The following ATR variants were observed in gnomAD, a reference collection of about 807,000 sequenced individuals.
ATR encodes the protein ATR checkpoint kinase, also known as serine/threonine-protein kinase ATR.
In ATR, 142 loss-of-function variants were observed where a neutral mutation model predicts 305.3. That is an observed-to-expected ratio of 0.47 (90% CI 0.41 to 0.53). ATR has a LOEUF of 0.53. Ranked by LOEUF, ATR falls within the 20% of genes least tolerant of loss-of-function variation. The pLI is 0.00. For synonymous variants in ATR, 1,050 were observed against 1,068.1 expected (o/e 0.98, Z 0.33); for missense variants, 2,135 against 3,133.1 (o/e 0.68, Z 7.60).
rs769972178 is a variant in ATR at position 142,496,495 on chromosome 3, C to T, written c.5764G>A (p.Glu1922Lys). 15 of 1,611,028 alleles carry T rather than the reference C, an allele frequency of 9.3e-6. No homozygotes were observed. The African/African-American group carries it at 1.9e-4, about 20-fold the overall frequency. ...KRPDYNEMVG[E>K]CWLQSARVAR... The stretch of plus-strand genomic sequence containing the variant: ...ACCCTGGCACTCTGCAGCCAGCATT[C>T]TCCAACCATTTCATTGTAATCTGGT... Residue 1922 changes from glutamate (E) to lysine (K), a missense_variant, in exon 34 of 47, where the codon GAA becomes AAA. By Grantham distance (56) the Glu-to-Lys change is moderately conservative (BLOSUM62 1). Around this residue, in one of 9 missense-constraint regions of ATR, gnomAD observed 462 missense variants for 887.6 expected, o/e 0.52. Transcript: ENST00000350721.
intron 2 of ATR, among the ~76,000 whole-genome samples, chr3:142,567,858 G>A (rs1026695588): frequency 1.3e-5 from 2 of 151,960 alleles, no homozygotes; most frequent in Non-Finnish European, 1.5e-5. Flanking sequence ...ATAACAAACA[G>A]GAAAAGAGAA....
At chr3:142,566,806 T>C (rs1311183583) in intron 2 of ATR, among the ~76,000 whole-genome samples, 2 of 151,822 alleles carry the variant, frequency 1.3e-5, no homozygotes, top group Non-Finnish European at 2.9e-5. Context: ...TGTAGTGGTG[T>C]GATCTTGGCT....
At position 142,466,471 on chromosome 3, in the gene ATR, T is replaced by C; in HGVS notation, c.6750A>G (p.Val2250=). 1 of 1,614,002 alleles carries C rather than the reference T, an allele frequency of 6.2e-7. No homozygotes were observed. Among genetic ancestry groups the C allele is most frequent in the East Asian group, 2.2e-5 (1 of 44,848 alleles). ...STHFKMLKKL[V]EEATFSEILI... is the part of the protein sequence containing the mutation. ...GGATTTCACTAAATGTTGCTTCTTC[T>C]ACCAGCTTTTTAAGCATTTTAAAAT... The change falls in exon 40 of 47, where the codon GTA becomes GTG. Residue 2250 remains valine (V), a synonymous_variant. Transcript: ENST00000350721.
In ATR at chr3:142,553,963, A is replaced by G. The variant is rs1445190998; in HGVS notation, c.2394T>C (p.Asp798=). Residue 798 remains aspartate (D), a synonymous_variant, in exon 11 of 47, where the codon GAT becomes GAC. Transcript: ENST00000350721. ...CAAGAACTGCTTTTACATCTGTTTCATCTTCTCTAAAATCAAGATGCTTAC... is the reference window on the plus strand; with the variant it reads ...CAAGAACTGCTTTTACATCTGTTTCGTCTTCTCTAAAATCAAGATGCTTAC... ...HLCKHLDFRE[D]ETDVKAVLGT... is the part of the protein sequence containing the mutation. 1.9e-6 allele frequency: 3 copies of G among 1,610,838 alleles called. No individual in the cohort carries two copies. The highest frequency in any genetic ancestry group is 1.7e-6 in the Non-Finnish European group (2 of 1,178,702).
At position 142,469,363 on chromosome 3, in the gene ATR, T is replaced by C. The variant is rs749889023; in HGVS notation, c.6526A>G (p.Met2176Val). 8 of 1,613,692 alleles carry C rather than the reference T, an allele frequency of 5.0e-6. No homozygotes were observed. The highest frequency in any genetic ancestry group is 3.3e-5 in the Admixed American group (2 of 59,974). The stretch of plus-strand genomic sequence containing the variant: ...TTTGACACAGCTGTCATCATCCACA[T>C]TGCTTGTTGAGGATAGGCTAGAAAT... ...KVFLAYPQQA[M>V]WMMTAVSKSS... Residue 2176 changes from methionine to valine, a missense_variant, in exon 38 of 47, where the codon ATG becomes GTG. Transcript: ENST00000350721.
chr3:142,480,393 A>T (rs1211448546), intron 36 of ATR, among the ~76,000 whole-genome samples: 2 of 152,248 alleles, frequency 1.3e-5, no homozygotes, highest in African/African-American at 4.8e-5. Context: ...CGGAGGCTGC[A>T]GAACAGCAAA....
chr3:142,519,594 C>G (rs2033055253), intron 24 of ATR, 75 bp downstream of exon 24: 10 of 1,308,498 alleles, frequency 7.6e-6, no homozygotes, highest in Non-Finnish European at 1.1e-5. Context: ...GCCACTGCAC[C>G]CGGCCAAAAA....
At chr3:142,510,141 G>A (rs1423533531) in intron 27 of ATR, among the ~76,000 whole-genome samples, 1 of 140,344 alleles carries the variant, frequency 7.1e-6, no homozygotes, top group Non-Finnish European at 1.5e-5. Flanking sequence ...AAAAGCTACT[G>A]TCACTGAAAA....
chr3:142,451,530 A>G (rs2070788725), intron 46 of ATR: 3 of 1,393,406 alleles, frequency 2.2e-6, no homozygotes, highest in African/African-American at 1.5e-5. Context: ...GAGAACACCA[A>G]CACCTATATC....
At position 142,512,586 on chromosome 3, in the gene ATR, G is replaced by A. The variant is rs2032634443; in HGVS notation, c.4642-116C>T. 3.5e-6 allele frequency: 3 copies of A among 854,418 alleles called. No individual in the cohort carries two copies. The South Asian group carries it at 7.5e-5, about 21-fold the overall frequency. The allele number at this position is 854,418 out of a possible 1,614,324, so 52.9% of individuals were successfully genotyped here. A position where few individuals can be genotyped will look rare whatever the true frequency, so the allele number is the denominator to read the frequency against. ...ATTTTCAAAAGAAAAAACACAATTG[G>A]CCAGGCATGTTGGCCTGTAATCCCA... On this transcript the variant is annotated intron_variant, in intron 26 of 46. Transcript: ENST00000350721.
intron 23 of ATR, among the ~76,000 whole-genome samples, chr3:142,520,522 A>C (rs1175361090): frequency 6.6e-6 from 1 of 152,202 alleles, no homozygotes; most frequent in African/African-American, 2.4e-5. Context: ...TAAGAAAGAG[A>C]AACAGTCTTA....
intron 9 of ATR, 31 bp downstream of exon 9, chr3:142,556,352 G>A (rs375645857): frequency 5.7e-5 from 90 of 1,584,112 alleles, no homozygotes; most frequent in Non-Finnish European, 7.1e-5. Context: ...CCAATAGAGT[G>A]ATATATTCAA....
intron 36 of ATR, among the ~76,000 whole-genome samples, chr3:142,471,653 T>C (rs1261327841): frequency 1.3e-5 from 2 of 152,196 alleles, no homozygotes; most frequent in African/African-American, 2.4e-5. Context: ...TGTATATTTA[T>C]TGTGCACATG....
chr3:142,558,924 G>C, intron 7 of ATR, 148 bp from the exon 8 acceptor site: 3 of 818,582 alleles, frequency 3.7e-6, no homozygotes. Context: ...GATGGTCTGA[G>C]GTCTGTGAAC....
At chr3:142,556,174 T>G (rs984656213) in intron 9 of ATR, 35 bp from the exon 10 acceptor site, 3 of 1,609,594 alleles carry the variant, frequency 1.9e-6, no homozygotes, top group African/African-American at 2.7e-5. Flanking sequence ...TAAACTTTCT[T>G]GCCTAATTTT....
At chr3:142,572,065 C>CTGA (rs1186717440) in intron 1 of ATR, among the ~76,000 whole-genome samples, 3 of 149,502 alleles carry the variant, frequency 2.0e-5, no homozygotes, top group African/African-American at 4.9e-5. Flanking sequence ...CGCACCCGGC[C>CTGA]CTTTTTCTTT....
intron 35 of ATR, among the ~76,000 whole-genome samples, chr3:142,486,979 A>AAAAAAAAAC (rs2030977663): frequency 6.7e-6 from 1 of 149,876 alleles, no homozygotes; most frequent in Admixed American, 6.7e-5. Context: ...AAAAAAAAAA[A>AAAAAAAAAC]AACAATTAGC....
At chr3:142,473,721 A>G (rs921699946) in intron 36 of ATR, among the ~76,000 whole-genome samples, 2 of 150,424 alleles carry the variant, frequency 1.3e-5, no homozygotes, top group African/African-American at 4.9e-5. Context: ...AATTTTCTGT[A>G]TTTTAGTAGA....
intron 22 of ATR, among the ~76,000 whole-genome samples, chr3:142,523,277 A>G: frequency 6.6e-6 from 1 of 151,958 alleles, no homozygotes; most frequent in Non-Finnish European, 1.5e-5. Flanking sequence ...AAAATTAGCC[A>G]GGCGTGGTGG....
Sources: gnomAD v4.1 joint callset for allele counts (sites outside exome capture counted in the v4.1 genomes callset) on GRCh38, gnomAD v4.1.1 for gene constraint, gnomAD v4.1.1 regional missense constraint, MANE v1.5 for transcripts, NCBI Gene and HGNC (gene_info 2026-07-23, HGNC 2026-07-21) for gene names.